Variants in NTNG1 observed in about 807,000 individuals in gnomAD.
NTNG1 encodes the protein netrin G1.
In NTNG1, 16 loss-of-function variants were observed where a neutral mutation model predicts 54.0. The observed-to-expected ratio is 0.30, with a 90% CI of 0.20 to 0.45. The LOEUF is 0.45. Among genes scored for constraint, NTNG1 ranks in the 20% least tolerant of loss-of-function variants. The pLI is 1.00. For synonymous variants in NTNG1, 255 were observed against 263.1 expected, an observed-to-expected ratio of 0.97 and a Z score of 0.30; for missense variants, 530 against 678.7, an observed-to-expected ratio of 0.78 and a Z score of 2.43.
chr1:107,326,697 T>G (rs1172598106), intron 3 of NTNG1, among the ~76,000 whole-genome samples: 2 of 152,070 alleles, frequency 1.3e-5, no homozygotes, highest in Non-Finnish European at 2.9e-5. Flanking sequence ...AAAAAATACT[T>G]AATCTGAGCC....
chr1:107,445,970 G>C (rs1291397299), intron 7 of NTNG1, among the ~76,000 whole-genome samples: 1 of 152,042 alleles, frequency 6.6e-6, no homozygotes, highest in Non-Finnish European at 1.5e-5. Flanking sequence ...TTGTAAACAG[G>C]AAGCAGGCTG....
chr1:107,357,423 C>T lies in NTNG1; in HGVS notation c.887+32501C>T, dbSNP rs542829119. ...TTTTCTAGATACTTTGATTGTAATA[C>T]CTCCTTGTCAAAGTCTTGGACCCCA... On this transcript the variant is annotated intron_variant, in intron 3 of 7. Coordinates refer to ENST00000370068, the MANE Select transcript of NTNG1 (RefSeq NM_001113226.3). 1.3e-3 allele frequency among the ~76,000 whole-genome samples: 200 copies of T among 152,292 alleles called. 1 individual carries two copies. Among genetic ancestry groups the T allele is most frequent in the Non-Finnish European group, 2.0e-3 (138 of 68,002 alleles).
At chr1:107,460,182 G>T (rs1053838820) in intron 7 of NTNG1, among the ~76,000 whole-genome samples, 5 of 152,138 alleles carry the variant, frequency 3.3e-5, no homozygotes, top group African/African-American at 9.7e-5. Context: ...GTTAGTCTGG[G>T]TTCTCGTCGT....
chr1:107,190,422 T>C (rs999662107), intron 2 of NTNG1, among the ~76,000 whole-genome samples: 6 of 152,172 alleles, frequency 3.9e-5, no homozygotes, highest in African/African-American at 1.2e-4. Flanking sequence ...CCATCATTTT[T>C]TTAAAAATTT....
chr1:107,450,690 A>AT (rs1028499064), intron 7 of NTNG1, among the ~76,000 whole-genome samples: 1 of 152,124 alleles, frequency 6.6e-6, no homozygotes, highest in African/African-American at 2.4e-5. Flanking sequence ...TTAAGTTAAG[A>AT]TTTTGTCCAA....
intron 2 of NTNG1, among the ~76,000 whole-genome samples, chr1:107,219,432 C>G (rs921002680): frequency 6.6e-6 from 1 of 152,132 alleles, no homozygotes; most frequent in African/African-American, 2.4e-5. Context: ...GAGATTTCGT[C>G]GTGATTTGGA....
chr1:107,256,915 A>AT (rs901162210), intron 2 of NTNG1, among the ~76,000 whole-genome samples: 42 of 151,372 alleles, frequency 2.8e-4, no homozygotes, highest in African/African-American at 8.7e-4. Context: ...CCAAATTGTT[A>AT]TTTTTTTTTA....
chr1:107,382,156 G>C (rs1671685636), intron 3 of NTNG1, among the ~76,000 whole-genome samples: 1 of 152,112 alleles, frequency 6.6e-6, no homozygotes, highest in Admixed American at 6.5e-5. Context: ...TGGTCCCAAA[G>C]GGTTGTTATC....
At chr1:107,461,523 CT>C (rs1214017970) in intron 7 of NTNG1, among the ~76,000 whole-genome samples, 6 of 150,474 alleles carry the variant, frequency 4.0e-5, no homozygotes, top group South Asian at 4.2e-4. Context: ...TATGGATTCT[CT>C]TTTTTTCTTT....
At chr1:107,474,598 T>C (rs1678192439) in intron 7 of NTNG1, among the ~76,000 whole-genome samples, 3 of 152,196 alleles carry the variant, frequency 2.0e-5, no homozygotes, top group South Asian at 4.1e-4. Context: ...CACTGGGTAA[T>C]TTATAATGAA....
At chr1:107,431,458 C>G (rs1281030424) in intron 6 of NTNG1, among the ~76,000 whole-genome samples, 1 of 152,070 alleles carries the variant, frequency 6.6e-6, no homozygotes, top group East Asian at 1.9e-4. Flanking sequence ...AATGAAATTC[C>G]ATTTATTGAA....
At chr1:107,376,486 T>G (rs1387454262) in intron 3 of NTNG1, among the ~76,000 whole-genome samples, 1 of 152,044 alleles carries the variant, frequency 6.6e-6, no homozygotes, top group African/African-American at 2.4e-5. Flanking sequence ...GCAGAGGCAT[T>G]AAGAAAATTG....
chr1:107,386,858 C>T (rs2101055161), intron 3 of NTNG1, among the ~76,000 whole-genome samples: 1 of 152,170 alleles, frequency 6.6e-6, no homozygotes, highest in East Asian at 1.9e-4. Context: ...ACATTTTATA[C>T]TCCCAATAGC....
chr1:107,412,736 C>G (rs993701778), intron 5 of NTNG1, among the ~76,000 whole-genome samples: 1 of 152,092 alleles, frequency 6.6e-6, no homozygotes, highest in African/African-American at 2.4e-5. Flanking sequence ...GTGACCTCCC[C>G]CTTTCAAAAT....
rs528694257 is a variant in NTNG1, at chr1:107,416,230, C to T, written c.1087+8522C>T. ...ACTGGAGATATGTATGGATTTGATC[C>T]GGATTTTCATATGATGGCTGCTGGT... On this transcript the variant is annotated intron_variant, in intron 5 of 7. Coordinates refer to ENST00000370068, the MANE Select transcript of NTNG1 (RefSeq NM_001113226.3). Among the ~76,000 whole-genome samples the T allele has an allele frequency of 5.9e-5, 9 of 151,948 alleles. No individual in the cohort carries two copies. In the East Asian group the frequency reaches 1.2e-3, roughly 20 times the overall value.
At chr1:107,282,299 T>C (rs568419620) in intron 2 of NTNG1, among the ~76,000 whole-genome samples, 67 of 152,290 alleles carry the variant, frequency 4.4e-4, no homozygotes, top group Non-Finnish European at 7.4e-4. Context: ...CTGTTCTTTC[T>C]CCCTACGAAC....
intron 2 of NTNG1, among the ~76,000 whole-genome samples, chr1:107,289,129 T>C (rs1665408407): frequency 6.6e-6 from 1 of 152,174 alleles, no homozygotes; most frequent in African/African-American, 2.4e-5. Context: ...TTCTTTCAAC[T>C]TTCCACCATC....
At chr1:107,328,042 AT>A (rs1668069140) in intron 3 of NTNG1, among the ~76,000 whole-genome samples, 1 of 152,180 alleles carries the variant, frequency 6.6e-6, no homozygotes, top group African/African-American at 2.4e-5. Flanking sequence ...TAATCTCATC[AT>A]AAAAAATTTA....
chr1:107,162,793 A>G (rs1476026858), intron 2 of NTNG1, among the ~76,000 whole-genome samples: 1 of 152,168 alleles, frequency 6.6e-6, no homozygotes, highest in Non-Finnish European at 1.5e-5. Flanking sequence ...TCCCAAATTT[A>G]CCGTCTTCAT....
Sources: allele counts gnomAD v4.1 joint callset (sites outside exome capture counted in the v4.1 genomes callset), GRCh38; gene constraint gnomAD v4.1.1; transcripts MANE v1.5; gene names NCBI Gene and HGNC (gene_info 2026-07-23, HGNC 2026-07-21).